The following KLHL29 variants were observed in gnomAD, a reference collection of about 807,000 sequenced individuals.
KLHL29 encodes the protein kelch-like protein 29.
Under a neutral mutation model 80.4 loss-of-function variants are expected in KLHL29, and 21 were observed. The observed-to-expected ratio is 0.26, with a 90% confidence interval of 0.19 to 0.38. The LOEUF (loss-of-function observed/expected upper bound fraction) is 0.38. Ranked by LOEUF, KLHL29 falls within the 10% of genes least tolerant of loss-of-function variation. The pLI is 1.00. For synonymous variants in KLHL29, 511 were observed against 526.8 expected (o/e 0.97, Z 0.41); for missense variants, 867 against 1,223.9 (o/e 0.71, Z 4.35).
intron 2 of KLHL29, among the ~76,000 whole-genome samples, chr2:23,511,631 G>A (rs1189361398): frequency 6.6e-6 from 1 of 152,226 alleles, no homozygotes; most frequent in Non-Finnish European, 1.5e-5. Context: ...GTATCTTTGA[G>A]CAGTGTATCC....
At chr2:23,675,613 G>A (rs778732310) in intron 5 of KLHL29, among the ~76,000 whole-genome samples, 37 of 152,218 alleles carry the variant, frequency 2.4e-4, no homozygotes, top group Non-Finnish European at 1.5e-4. Context: ...CCTGTGTTTG[G>A]TGGCTGCTGG....
Position 23,507,088 on chromosome 2 carries a change from C to T in KLHL29, c.-46+31421C>T, listed in dbSNP as rs182138064. The T allele has an allele frequency of 1.0e-4, 46 of 444,130 alleles. No homozygotes were observed. In the East Asian group the frequency reaches 1.3e-3, roughly 12 times the overall value. The allele number at this position is 444,130 out of a possible 1,614,324, so 27.5% of individuals were successfully genotyped here. On this transcript the variant is annotated intron_variant, in intron 2 of 13. Transcript: ENST00000486442. ...GTTCTAATCAAAGTTTGAAGGCAGC[C>T]GCATTTCCTCAGGCTCAACATCGCT...
chr2:23,550,869 G>A (rs1240931674), intron 2 of KLHL29, among the ~76,000 whole-genome samples: 1 of 152,226 alleles, frequency 6.6e-6, no homozygotes, highest in Non-Finnish European at 1.5e-5. Flanking sequence ...AGTCAATTCT[G>A]CAAGATCTAG....
intron 5 of KLHL29, among the ~76,000 whole-genome samples, chr2:23,670,922 C>G (rs1359428470): frequency 1.3e-3 from 3 of 2,334 alleles, no homozygotes; most frequent in East Asian, 0.053. Flanking sequence ...CACGCGCTCT[C>G]TCTCTCTCTC....
Position 23,452,189 on chromosome 2 carries a change from T to TC in KLHL29, c.-153-23371_-153-23370insC, listed in dbSNP as rs1572329371. 2.0e-5 allele frequency among the ~76,000 whole-genome samples: 3 copies of TC among 151,688 alleles called. No individual in the cohort carries two copies. The East Asian group carries it at 5.8e-4, about 29-fold the overall frequency. On this transcript the variant is annotated intron_variant, in intron 1 of 13. Coordinates refer to ENST00000486442, the MANE Select transcript of KLHL29 (RefSeq NM_052920.2). ...ACCGTGCCCAGAAAAAAAAATTTTT[T>TC]TCTTTTTTTTTTTTTAGAGATGGGG...
chr2:23,671,492 G>A (rs1449058001), intron 5 of KLHL29, among the ~76,000 whole-genome samples: 3 of 152,190 alleles, frequency 2.0e-5, no homozygotes, highest in South Asian at 2.1e-4. Context: ...TAGGCTTTGG[G>A]TTTGCATCTG....
intron 1 of KLHL29, among the ~76,000 whole-genome samples, chr2:23,395,014 G>A (rs114217920): frequency 0.04 from 6,030 of 152,256 alleles, 166 homozygotes; most frequent in Non-Finnish European, 0.059. Context: ...TTCTGGACTC[G>A]TCTTGGGGAT....
chr2:23,442,107 T>G (rs568074879), intron 1 of KLHL29, among the ~76,000 whole-genome samples: 12 of 152,272 alleles, frequency 7.9e-5, no homozygotes, highest in African/African-American at 1.2e-4. Flanking sequence ...TTATTTTTAA[T>G]TTTTGAGACA....
intron 3 of KLHL29, among the ~76,000 whole-genome samples, chr2:23,603,452 C>T (rs1159490724): frequency 3.3e-5 from 5 of 152,156 alleles, no homozygotes; most frequent in African/African-American, 7.2e-5. Context: ...CTCTGTGTCT[C>T]GGGACAAAAA....
At chr2:23,502,022 C>G (rs1206007913) in intron 2 of KLHL29, among the ~76,000 whole-genome samples, 5 of 152,180 alleles carry the variant, frequency 3.3e-5, no homozygotes, top group Admixed American at 3.3e-4. Flanking sequence ...AGAAAGGTCT[C>G]CTGCTGGCTC....
chr2:23,413,609 G>A (rs1266001159), intron 1 of KLHL29, among the ~76,000 whole-genome samples: 3 of 152,178 alleles, frequency 2.0e-5, no homozygotes, highest in Non-Finnish European at 4.4e-5. Context: ...GGGAGAGACG[G>A]GAGAAAGAAC....
intron 2 of KLHL29, among the ~76,000 whole-genome samples, chr2:23,499,703 A>C (rs1056446667): frequency 6.6e-6 from 1 of 152,214 alleles, no homozygotes; most frequent in African/African-American, 2.4e-5. Flanking sequence ...AGAGAAAGTA[A>C]AGCATGACTT....
At chr2:23,482,810 A>T (rs898695716) in intron 2 of KLHL29, among the ~76,000 whole-genome samples, 5 of 151,734 alleles carry the variant, frequency 3.3e-5, no homozygotes, top group African/African-American at 9.7e-5. Flanking sequence ...GAAACAGAAG[A>T]GTGTTGCAAC....
chr2:23,586,046 G>A (rs903007975), intron 3 of KLHL29, among the ~76,000 whole-genome samples: 1 of 152,150 alleles, frequency 6.6e-6, no homozygotes, highest in Non-Finnish European at 1.5e-5. Context: ...AGAGCACACA[G>A]AAGGCCTCTG....
intron 11 of KLHL29, chr2:23,697,396 C>G (rs1264804365): frequency 1.3e-5 from 2 of 152,230 alleles, no homozygotes; most frequent in Admixed American, 6.5e-5. Flanking sequence ...GAGGGTAACC[C>G]GTCAGGCTGA....
intron 3 of KLHL29, among the ~76,000 whole-genome samples, chr2:23,589,533 AG>A (rs1396184276): frequency 6.6e-5 from 10 of 152,212 alleles, no homozygotes; most frequent in African/African-American, 2.4e-4. Context: ...AACGTGGCAA[AG>A]TCATTTGCAG....
intron 2 of KLHL29, among the ~76,000 whole-genome samples, chr2:23,540,652 G>A (rs143942745): frequency 6.6e-6 from 1 of 152,326 alleles, no homozygotes; most frequent in East Asian, 1.9e-4. Flanking sequence ...ACTAACTGAA[G>A]CACAAAAGAA....
At position 23,647,819 on chromosome 2, in the gene KLHL29, A is replaced by G. The variant is rs1435780858; in HGVS notation, c.940+4969A>G. Reference sequence around the variant, plus strand: ...CCTTGGCTCTCCAGTCTAGCCGTGCACTGTGCCTCGGTCGAGTGCCTGTGA... The same window carrying G: ...CCTTGGCTCTCCAGTCTAGCCGTGCGCTGTGCCTCGGTCGAGTGCCTGTGA... On this transcript the variant is annotated intron_variant, in intron 5 of 13. Coordinates refer to ENST00000486442, the MANE Select transcript of KLHL29 (RefSeq NM_052920.2). The surrounding 1 kb of genome is among the most constrained non-coding windows in gnomAD (Gnocchi z 4.9). Among the ~76,000 whole-genome samples the G allele has an allele frequency of 2.6e-5, 4 of 152,006 alleles. No homozygotes were observed. Among genetic ancestry groups the G allele is most frequent in the African/African-American group, 9.7e-5 (4 of 41,374 alleles).
chr2:23,672,730 C>T (rs149897370), intron 5 of KLHL29: 155 of 152,814 alleles, frequency 1.0e-3, no homozygotes, highest in African/African-American at 3.5e-3. Context: ...TCTCACCTCA[C>T]CCCAGCTCCA....
Sources: gnomAD v4.1 joint callset for allele counts (sites outside exome capture counted in the v4.1 genomes callset) on GRCh38, gnomAD v4.1.1 for gene constraint, Gnocchi (gnomAD v3.1) non-coding constraint, MANE v1.5 for transcripts, NCBI Gene and HGNC (gene_info 2026-07-23, HGNC 2026-07-21) for gene names.